Variants in VWA8 observed in about 807,000 individuals in gnomAD.
VWA8 encodes the protein von Willebrand factor A domain-containing protein 8.
In VWA8, 221 loss-of-function variants were observed where a neutral mutation model predicts 241.5. The ratio of observed to expected loss-of-function variants is 0.91; its 90% CI spans 0.82 to 1.02. The LOEUF (loss-of-function observed/expected upper bound fraction) is 1.02, where lower values mean the gene tolerates loss of function less well. Ranked by LOEUF, VWA8 falls within the 50% of genes least tolerant of loss-of-function variation. The pLI is 0.00. For missense variants in VWA8, 2,322 were observed against 2,328.7 expected (o/e 1.00, Z 0.06); for synonymous variants, 852 against 827.1 (o/e 1.03, Z -0.52).
chr13:41,923,874 C>G (rs1395488760), intron 2 of VWA8, among the ~76,000 whole-genome samples: 2 of 151,838 alleles, frequency 1.3e-5, no homozygotes, highest in South Asian at 4.2e-4. Context: ...ATCTTCAGGC[C>G]CATCTGCAGG....
chr13:41,749,655 C>T (rs2045638754), intron 21 of VWA8, among the ~76,000 whole-genome samples: 1 of 152,116 alleles, frequency 6.6e-6, no homozygotes, highest in African/African-American at 2.4e-5. Context: ...CACATATACA[C>T]CATGGAATAC....
At chr13:41,688,664 A>G (rs770704797) in intron 34 of VWA8, among the ~76,000 whole-genome samples, 7 of 152,302 alleles carry the variant, frequency 4.6e-5, no homozygotes, top group Non-Finnish European at 8.8e-5. Flanking sequence ...ATCTATCTTC[A>G]TGACTGTTGA....
At chr13:41,897,472 C>A (rs548152328) in intron 4 of VWA8, among the ~76,000 whole-genome samples, 1 of 141,534 alleles carries the variant, frequency 7.1e-6, no homozygotes, top group East Asian at 2.0e-4. Context: ...ATTAGTACAG[C>A]CATTATAAAA....
rs376375455 is a variant in VWA8 at position 41,597,272 on chromosome 13, TCAAA to T, written c.4987-6511_4987-6508del. 3.9e-4 allele frequency among the ~76,000 whole-genome samples: 60 copies of T among 152,230 alleles called. No individual in the cohort carries two copies. In the East Asian group the frequency reaches 0.011, roughly 27 times the overall value. ...TTTTTATGCTACAAATGTGTATGACTCAAACAAATAATTATTGGATTAAGGAAAA... is the reference window on the plus strand; with the variant it reads ...TTTTTATGCTACAAATGTGTATGACTCAAATAATTATTGGATTAAGGAAAA... On this transcript the variant is annotated intron_variant, in intron 40 of 44. Transcript: ENST00000379310.
intron 26 of VWA8, among the ~76,000 whole-genome samples, chr13:41,714,881 T>G (rs1397951719): frequency 6.6e-6 from 1 of 151,918 alleles, no homozygotes. Flanking sequence ...GAGTTCCAAG[T>G]TGGTTACTTA....
intron 37 of VWA8, among the ~76,000 whole-genome samples, chr13:41,644,907 T>G (rs1323316920): frequency 6.6e-6 from 1 of 152,230 alleles, no homozygotes. Context: ...GTTTCATTAT[T>G]TATTGTTTCA....
chr13:41,909,216 G>A (rs1179066467), intron 3 of VWA8, among the ~76,000 whole-genome samples: 2 of 152,092 alleles, frequency 1.3e-5, no homozygotes, highest in Admixed American at 6.5e-5. Context: ...ATGCCACCAT[G>A]CCTGGCTAAT....
chr13:41,830,540 C>T lies in VWA8; in HGVS notation c.1689G>A (p.Gln563=). The T allele has an allele frequency of 6.2e-7, 1 of 1,613,540 alleles. No homozygotes were observed. Among genetic ancestry groups the T allele is most frequent in the Non-Finnish European group, 8.5e-7 (1 of 1,179,630 alleles). Reference sequence around the variant, plus strand: ...GGACCCCAAATTACCTCTTCTGTAGCTGTTCATCAGACAGTTGCAGCTCCT... The same window carrying T: ...GGACCCCAAATTACCTCTTCTGTAGTTGTTCATCAGACAGTTGCAGCTCCT... ...LKEELQLSDE[Q]LQKRSIFPIH... The change falls in exon 14 of 45, where the codon CAG becomes CAA. Residue 563 remains glutamine, a synonymous_variant. Coordinates refer to ENST00000379310, the MANE Select transcript of VWA8 (RefSeq NM_015058.2).
intron 2 of VWA8, among the ~76,000 whole-genome samples, chr13:41,948,774 G>A (rs183753567): frequency 1.3e-5 from 2 of 152,142 alleles, no homozygotes; most frequent in Admixed American, 1.3e-4. Flanking sequence ...TACAAGAATT[G>A]TACAGGAATG....
Position 41,739,151 on chromosome 13 carries a change from G to C in VWA8, c.2427-6996C>G, listed in dbSNP as rs115366904. ...ACAGGTAAAAATTCCTTTTCTTGAA[G>C]ACTTCAAATTCATACTATACTTAAG... On this transcript the variant is annotated intron_variant, in intron 21 of 44. Transcript: ENST00000379310. Among the ~76,000 whole-genome samples, 1,478 of 152,218 alleles carry C rather than the reference G, an allele frequency of 9.7e-3. 17 individuals are homozygous for C. Among genetic ancestry groups the C allele is most frequent in the African/African-American group, 0.028 (1,144 of 41,526 alleles).
rs140158777 is a variant in VWA8, at chr13:41,956,503, C to G, written c.163+4350G>C. Among the ~76,000 whole-genome samples the G allele has an allele frequency of 5.1e-3, 776 of 152,304 alleles. 11 individuals carry two copies. The highest frequency in any genetic ancestry group is 0.018 in the African/African-American group (740 of 41,564). ...ATACACAATGGGGTCAGAATATCCT[C>G]AGGGTCAAAATAACCTGCTGCAGGT... On this transcript the variant is annotated intron_variant, in intron 1 of 44. Transcript: ENST00000379310.
intron 34 of VWA8, 78 bp downstream of exon 34, chr13:41,689,276 C>T (rs1320879902): frequency 2.8e-6 from 4 of 1,426,354 alleles, no homozygotes; most frequent in Non-Finnish European, 3.7e-6. Context: ...TTAATTACCC[C>T]TCAAACAGGC....
At chr13:41,573,843 A>G (rs894620192) in intron 43 of VWA8, among the ~76,000 whole-genome samples, 1 of 151,490 alleles carries the variant, frequency 6.6e-6, no homozygotes, top group Non-Finnish European at 1.5e-5. Context: ...GCTGGTATCG[A>G]GCTCCTGGCC....
intron 42 of VWA8, among the ~76,000 whole-genome samples, chr13:41,585,002 G>T (rs1269076135): frequency 6.6e-6 from 1 of 151,810 alleles, no homozygotes; most frequent in Non-Finnish European, 1.5e-5. Flanking sequence ...AAGTGCTCAG[G>T]TAATGTTTGT....
chr13:41,856,964 T>C (rs7993467), intron 12 of VWA8, among the ~76,000 whole-genome samples: 9,787 of 152,254 alleles, frequency 0.064, 393 homozygotes, highest in East Asian at 0.11. Flanking sequence ...AATAGACAGG[T>C]GTTTTACTTA....
intron 26 of VWA8, among the ~76,000 whole-genome samples, chr13:41,715,237 T>C (rs185229149): frequency 1.1e-4 from 17 of 152,112 alleles, no homozygotes; most frequent in Non-Finnish European, 2.4e-4. Flanking sequence ...AATATTATTG[T>C]ACTACCATCA....
Position 41,605,216 on chromosome 13 carries a change from A to G in VWA8, c.4938T>C (p.Ala1646=), listed in dbSNP as rs373526322. 56 of 1,613,168 alleles carry G rather than the reference A, an allele frequency of 3.5e-5. No individual in the cohort carries two copies. The Middle Eastern group carries it at 4.9e-4, about 14-fold the overall frequency. Residue 1646 remains alanine, a synonymous_variant, in exon 40 of 45, where the codon GCT becomes GCC. Coordinates refer to ENST00000379310, the MANE Select transcript of VWA8 (RefSeq NM_015058.2). ...GGAGGGAGTGCACCTGTCGCCGAACAGCACCTGAAAACCTTTCATAGGTTG... is the reference window on the plus strand; with the variant it reads ...GGAGGGAGTGCACCTGTCGCCGAACGGCACCTGAAAACCTTTCATAGGTTG... ...DAATYERFSG[A]VRRQVHSLRI...
chr13:41,612,740 T>C (rs980522866), intron 38 of VWA8, among the ~76,000 whole-genome samples: 5 of 152,160 alleles, frequency 3.3e-5, no homozygotes, highest in Non-Finnish European at 7.3e-5. Flanking sequence ...AATCCAATAT[T>C]GGAGGGGCAG....
In VWA8 at chr13:41,611,569, C is replaced by T; in HGVS notation, c.4877+7G>A. 6.2e-7 allele frequency: 1 copy of T among 1,613,824 alleles called. No individual in the cohort carries two copies. Among genetic ancestry groups the T allele is most frequent in the Non-Finnish European group, 8.5e-7 (1 of 1,179,798 alleles). On this transcript the variant is annotated splice_region_variant and intron_variant, in intron 39 of 44. Coordinates refer to ENST00000379310, the MANE Select transcript of VWA8 (RefSeq NM_015058.2). Reference sequence around the variant, plus strand: ...AGTGCTGGTCTAAATGTGATGGGAGCACTGACCTCTGCTGGAATGCTCTCT... The same window carrying T: ...AGTGCTGGTCTAAATGTGATGGGAGTACTGACCTCTGCTGGAATGCTCTCT...
Sources: gnomAD v4.1 joint callset for allele counts (sites outside exome capture counted in the v4.1 genomes callset) on GRCh38, gnomAD v4.1.1 for gene constraint, MANE v1.5 for transcripts, NCBI Gene and HGNC (gene_info 2026-07-23, HGNC 2026-07-21) for gene names.